PDZRN4: variants seen among roughly 807,000 people sequenced by gnomAD.
The protein encoded by PDZRN4 is PDZ domain-containing RING finger protein 4.
PDZRN4 carries 70 observed loss-of-function variants against 99.0 expected under a neutral mutation model. The ratio of observed to expected loss-of-function variants is 0.71; its 90% CI spans 0.58 to 0.86. The LOEUF (loss-of-function observed/expected upper bound fraction) is 0.86, where lower values mean the gene tolerates loss of function less well. Ranked by LOEUF, PDZRN4 falls within the 40% of genes least tolerant of loss-of-function variation. The probability of loss-of-function intolerance (pLI) is 0.00; values close to 1 mark genes in which losing one functional copy is unlikely to be tolerated. For missense variants in PDZRN4, 1,474 were observed against 1,331.2 expected (o/e 1.11, Z -1.67); for synonymous variants, 551 against 501.6 (o/e 1.10, Z -1.32).
chr12:41,238,941 A>T (rs1425124119), intron 3 of PDZRN4, among the ~76,000 whole-genome samples: 1 of 152,156 alleles, frequency 6.6e-6, no homozygotes, highest in East Asian at 1.9e-4. Context: ...ATACCATTTG[A>T]CCCAGCAATC....
chr12:41,484,908 C>T (rs964958911), intron 3 of PDZRN4, among the ~76,000 whole-genome samples: 3 of 152,046 alleles, frequency 2.0e-5, no homozygotes, highest in Non-Finnish European at 2.9e-5. Context: ...AAGTGACTTG[C>T]GTCTTTTAGA....
chr12:41,519,235 T>C (rs1184488283), intron 5 of PDZRN4, among the ~76,000 whole-genome samples: 1 of 152,066 alleles, frequency 6.6e-6, no homozygotes, highest in Non-Finnish European at 1.5e-5. Flanking sequence ...TTCTATGCTG[T>C]CCTGTTTAAC....
chr12:41,451,249 T>C (rs76365055), intron 3 of PDZRN4, among the ~76,000 whole-genome samples: 2,629 of 152,226 alleles, frequency 0.017, 52 homozygotes, highest in East Asian at 0.091. Flanking sequence ...CTTTTTCATT[T>C]CTACCTTCTG....
chr12:41,295,599 G>A (rs1951487364), intron 3 of PDZRN4, among the ~76,000 whole-genome samples: 1 of 152,026 alleles, frequency 6.6e-6, no homozygotes, highest in African/African-American at 2.4e-5. Context: ...TCTTCAAAAA[G>A]TTCTTGGAAA....
At chr12:41,247,038 AT>A (rs1356371685) in intron 3 of PDZRN4, among the ~76,000 whole-genome samples, 2 of 152,010 alleles carry the variant, frequency 1.3e-5, no homozygotes, top group African/African-American at 4.8e-5. Context: ...TTCAACAAAT[AT>A]ATTGAGATCC....
chr12:41,261,730 C>T (rs1337809384), intron 3 of PDZRN4, among the ~76,000 whole-genome samples: 2 of 152,146 alleles, frequency 1.3e-5, no homozygotes, highest in African/African-American at 2.4e-5. Flanking sequence ...ACCTCGTGAT[C>T]CCCCCTCCTC....
intron 3 of PDZRN4, among the ~76,000 whole-genome samples, chr12:41,392,868 TAA>T (rs1457259833): frequency 2.6e-5 from 4 of 152,172 alleles, no homozygotes. Flanking sequence ...GAAAATATTC[TAA>T]GTTTATAATT....
chr12:41,223,763 G>A (rs544784238), intron 3 of PDZRN4, among the ~76,000 whole-genome samples: 1 of 152,276 alleles, frequency 6.6e-6, no homozygotes, highest in South Asian at 2.1e-4. Context: ...CATTTTCTCT[G>A]TGGAATGGCA....
chr12:41,396,590 A>G (rs948570802), intron 3 of PDZRN4, among the ~76,000 whole-genome samples: 1 of 152,182 alleles, frequency 6.6e-6, no homozygotes, highest in Admixed American at 6.5e-5. Context: ...TTCAGGCTCA[A>G]CGTCTCTTGT....
At chr12:41,506,940 G>T (rs1938217477) in intron 4 of PDZRN4, among the ~76,000 whole-genome samples, 2 of 151,998 alleles carry the variant, frequency 1.3e-5, no homozygotes, top group East Asian at 1.9e-4. Flanking sequence ...AATCATACTT[G>T]CTAGCTGCTG....
At chr12:41,552,585 C>T (rs989174999) in intron 5 of PDZRN4, 71 bp from the exon 6 acceptor site, 4 of 1,150,608 alleles carry the variant, frequency 3.5e-6, no homozygotes, top group African/African-American at 1.5e-5. Flanking sequence ...CAAAGAATAT[C>T]AGTGAGTTCT....
intron 3 of PDZRN4, among the ~76,000 whole-genome samples, chr12:41,225,496 T>C (rs1423614763): frequency 6.6e-6 from 1 of 152,118 alleles, no homozygotes; most frequent in Non-Finnish European, 1.5e-5. Context: ...CATATAATTG[T>C]GGAAAATTAT....
At chr12:41,446,212 T>A (rs775787906) in intron 3 of PDZRN4, among the ~76,000 whole-genome samples, 2 of 149,844 alleles carry the variant, frequency 1.3e-5, no homozygotes, top group Non-Finnish European at 3.0e-5. Flanking sequence ...CCCTCCCTTC[T>A]GTTTTATGTA....
Position 41,571,372 on chromosome 12 carries a change from TCTCTCACACACA to T in PDZRN4, c.1585-990_1585-979del, listed in dbSNP as rs1265911029. Among the ~76,000 whole-genome samples the T allele has an allele frequency of 7.8e-3, 810 of 103,604 alleles. 3 individuals are homozygous for T. The highest frequency in any genetic ancestry group is 0.013 in the African/African-American group (235 of 18,610). 68.0% of individuals were successfully genotyped at this position (103,604 alleles called of 152,430 possible). ...CTCTCTCTCTCTCTCTCTCTCTCTC[TCTCTCACACACA>T]CACACACACACACACACACACACTA... is the stretch of plus-strand genomic sequence containing the variant. On this transcript the variant is annotated intron_variant, in intron 9 of 9. Transcript: ENST00000402685.
At chr12:41,547,376 A>G (rs1197445983) in intron 5 of PDZRN4, among the ~76,000 whole-genome samples, 1 of 152,208 alleles carries the variant, frequency 6.6e-6, no homozygotes, top group East Asian at 1.9e-4. Flanking sequence ...CTCTAATCCC[A>G]GCACTTTGGG....
intron 3 of PDZRN4, among the ~76,000 whole-genome samples, chr12:41,255,098 T>C (rs912463675): frequency 6.6e-6 from 1 of 152,016 alleles, no homozygotes; most frequent in Non-Finnish European, 1.5e-5. Flanking sequence ...AAGAGTTGGC[T>C]CCCTGGGTGT....
intron 7 of PDZRN4, among the ~76,000 whole-genome samples, chr12:41,557,412 A>T (rs1163301537): frequency 2.0e-5 from 3 of 152,028 alleles, no homozygotes; most frequent in African/African-American, 7.3e-5. Context: ...TTTGGATTCC[A>T]CACTTTTGGA....
intron 5 of PDZRN4, among the ~76,000 whole-genome samples, chr12:41,538,509 G>A (rs537627299): frequency 6.6e-6 from 1 of 152,220 alleles, no homozygotes; most frequent in South Asian, 2.1e-4. Flanking sequence ...TTTGCATGTA[G>A]CTACTAAACC....
chr12:41,569,169 G>T (rs573421566), intron 9 of PDZRN4, among the ~76,000 whole-genome samples: 1 of 151,082 alleles, frequency 6.6e-6, no homozygotes, highest in African/African-American at 2.4e-5. Flanking sequence ...GCCCAGGCTG[G>T]AGTGCAGTGA....
Sources: allele counts gnomAD v4.1 joint callset (sites outside exome capture counted in the v4.1 genomes callset), GRCh38; gene constraint gnomAD v4.1.1; transcripts MANE v1.5; gene names NCBI Gene and HGNC (gene_info 2026-07-23, HGNC 2026-07-21).